Variants in SSH3 observed in about 807,000 individuals in gnomAD.
SSH3 encodes protein phosphatase Slingshot homolog 3.
A neutral mutation model predicts 75.0 loss-of-function variants in SSH3; 67 were observed. That is an observed-to-expected ratio of 0.89 (90% CI 0.73 to 1.10). The LOEUF (loss-of-function observed/expected upper bound fraction) is 1.10, where lower values mean the gene tolerates loss of function less well. Ranked by LOEUF, SSH3 falls within the 50% of genes least tolerant of loss-of-function variation. SSH3 has a pLI of 0.00. For missense variants in SSH3, 824 were observed against 872.7 expected, an observed-to-expected ratio of 0.94 and a Z score of 0.70; for synonymous variants, 318 against 349.2, an observed-to-expected ratio of 0.91 and a Z score of 1.00.
chr11:67,311,422 G>A lies in SSH3; in HGVS notation c.1684-169G>A, dbSNP rs113146014. On this transcript the variant is annotated intron_variant, in intron 13 of 13. Coordinates refer to ENST00000308127, the MANE Select transcript of SSH3 (RefSeq NM_017857.4). ...GTGTTGTCCTCCCTCCCGAGGAAGC[G>A]TGGCTGTGGACAGCTTGGCTTTTGG... is the stretch of plus-strand genomic sequence containing the variant. Among the ~76,000 whole-genome samples the A allele has an allele frequency of 5.5e-3, 836 of 152,318 alleles. 10 individuals are homozygous for A. Among genetic ancestry groups the A allele is most frequent in the African/African-American group, 0.019 (802 of 41,558 alleles).
Position 67,310,138 on chromosome 11 carries a change from T to C in SSH3, c.1482T>C (p.Ser494=), listed in dbSNP as rs200260735. ...AGGAGCACCCAGCCCCTGAAGTCTC[T>C]ACACCATTCCCACCTCTTCCGCCAG... is the stretch of plus-strand genomic sequence containing the variant. ...SPEEHPAPEV[S]TPFPPLPPEP... is the part of the protein sequence containing the mutation. The change falls in exon 13 of 14, where the codon TCT becomes TCC. Residue 494 remains serine (S), a synonymous_variant. Transcript: ENST00000308127. 6.8e-6 allele frequency: 11 copies of C among 1,614,188 alleles called. No individual in the cohort carries two copies. Among genetic ancestry groups the C allele is most frequent in the Non-Finnish European group, 8.5e-7 (1 of 1,180,024 alleles).
In SSH3 at chr11:67,309,760, T is replaced by G. The variant is rs1256408671; in HGVS notation, c.1209-8T>G. On this transcript the variant is annotated splice_polypyrimidine_tract_variant and splice_region_variant and intron_variant, in intron 11 of 13. Transcript: ENST00000308127. The stretch of plus-strand genomic sequence containing the variant: ...GGGGAGGGTGCTGAACCTGGCCTGC[T>G]TCCACAGAGCACAGGGCACCCACGT... 2 of 1,612,344 alleles carry G rather than the reference T, an allele frequency of 1.2e-6. No homozygotes were observed. Among genetic ancestry groups the G allele is most frequent in the African/African-American group, 2.7e-5 (2 of 74,946 alleles).
At chr11:67,309,732 T>G (rs767382195) in intron 11 of SSH3, 36 bp from the exon 12 acceptor site, 2 of 1,607,822 alleles carry the variant, frequency 1.2e-6, no homozygotes, top group Non-Finnish European at 1.7e-6. Flanking sequence ...TCCTTCATGG[T>G]GAGGGGAGGG....
intron 10 of SSH3, 137 bp from the exon 11 acceptor site, chr11:67,309,260 C>A: frequency 9.1e-7 from 1 of 1,096,618 alleles, no homozygotes; most frequent in Non-Finnish European, 1.3e-6. Context: ...TGGGTCACTT[C>A]TCCTCCCACT....
chr11:67,306,182 G>A (rs552999907), intron 3 of SSH3, among the ~76,000 whole-genome samples: 16 of 152,032 alleles, frequency 1.1e-4, no homozygotes, highest in Middle Eastern at 3.4e-3. Flanking sequence ...CCAGCTACTC[G>A]GGAGGCTGAG....
Position 67,312,211 on chromosome 11 carries a change from A to C in SSH3, c.*324A>C. 2.8e-6 allele frequency: 1 copy of C among 353,788 alleles called. No individual in the cohort carries two copies. The allele number at this position is 353,788 out of a possible 1,614,324, so 21.9% of individuals were successfully genotyped here. Reference sequence around the variant, plus strand: ...TTCTCAACTCTAGCCCTGCACACTCACCTGTGGCACGGAATGAAAACAGAG... The same window carrying C: ...TTCTCAACTCTAGCCCTGCACACTCCCCTGTGGCACGGAATGAAAACAGAG... On this transcript the variant is annotated 3_prime_UTR_variant, in exon 14 of 14. Coordinates refer to ENST00000308127, the MANE Select transcript of SSH3 (RefSeq NM_017857.4).
In SSH3 at chr11:67,310,228, A is replaced by G; in HGVS notation, c.1572A>G (p.Glu524=). Residue 524 remains glutamate, a synonymous_variant, in exon 13 of 14, where the codon GAA becomes GAG. Coordinates refer to ENST00000308127, the MANE Select transcript of SSH3 (RefSeq NM_017857.4). ...AAGAGAGCCAGGCAGCCCCGAAAGA[A>G]GAGCCTGGGCCACGGCCACGTATAA... The part of the protein sequence containing the change: ...GMEESQAAPK[E]EPGPRPRINL... 1 of 1,614,220 alleles carries G rather than the reference A, an allele frequency of 6.2e-7. No homozygotes were observed. The highest frequency in any genetic ancestry group is 1.3e-5 in the African/African-American group (1 of 75,060).
At position 67,307,966 on chromosome 11, in the gene SSH3, C is replaced by G. The variant is rs756582722; in HGVS notation, c.885+27C>G. On this transcript the variant is annotated intron_variant, in intron 8 of 13. Coordinates refer to ENST00000308127, the MANE Select transcript of SSH3 (RefSeq NM_017857.4). The surrounding 1 kb of genome is among the most constrained non-coding windows in gnomAD (Gnocchi z 4.2). ...TGGGCAGGGGGCCCGGGGACTGAGT[C>G]CCCTCTAGCAGGGGCTGCAAGCTTG... is the stretch of plus-strand genomic sequence containing the variant. 1 of 1,613,440 alleles carries G rather than the reference C, an allele frequency of 6.2e-7. No homozygotes were observed. Among genetic ancestry groups the G allele is most frequent in the African/African-American group, 1.3e-5 (1 of 75,058 alleles).
Position 67,308,418 on chromosome 11 carries a change from G to C in SSH3, c.1021G>C (p.Glu341Gln). 6.2e-7 allele frequency: 1 copy of C among 1,611,276 alleles called. No homozygotes were observed. The highest frequency in any genetic ancestry group is 8.5e-7 in the Non-Finnish European group (1 of 1,178,768). ...RIFPHLYLGSEWNAANLEELQ... is the reference protein window; with the variant it reads ...RIFPHLYLGSQWNAANLEELQ... ...GCTGTTCCCTCTCTCCCAGGGCTCA[G>C]AGTGGAACGCAGCAAACCTGGAGGA... Residue 341 changes from glutamate to glutamine, a missense_variant, in exon 10 of 14, where the codon GAG (glutamate) becomes CAG (glutamine). Glu to Gln is a conservative substitution (Grantham distance 29). Coordinates refer to ENST00000308127, the MANE Select transcript of SSH3 (RefSeq NM_017857.4). This position sits in a 1 kb window ranked among gnomAD's most constrained non-coding sequence, Gnocchi z 4.9.
chr11:67,309,505 G>T lies in SSH3; in HGVS notation c.1170G>T (p.Pro390=), dbSNP rs766446058. The change falls in exon 11 of 14, where the codon CCG becomes CCT. Residue 390 remains proline, a synonymous_variant. Coordinates refer to ENST00000308127, the MANE Select transcript of SSH3 (RefSeq NM_017857.4). ...LWDEESAQLL[P]HWKETHRFIE... is the part of the protein sequence containing the mutation. ...ATGAGGAGTCGGCCCAGCTGCTGCCGCACTGGAAGGAGACGCACCGCTTCA... is the reference window on the plus strand; with the variant it reads ...ATGAGGAGTCGGCCCAGCTGCTGCCTCACTGGAAGGAGACGCACCGCTTCA... The T allele has an allele frequency of 1.9e-6, 3 of 1,613,910 alleles. No individual in the cohort carries two copies. The highest frequency in any genetic ancestry group is 1.6e-4 in the Middle Eastern group (1 of 6,084).
At position 67,304,904 on chromosome 11, in the gene SSH3, C is replaced by A; in HGVS notation, c.236C>A (p.Thr79Lys). The change falls in exon 3 of 14, where the codon ACA (threonine) becomes AAA (lysine). Residue 79 changes from threonine (T) to lysine (K), a missense_variant. Physicochemically the swap from Thr to Lys is moderately conservative, Grantham distance 78 (BLOSUM62 -1). Coordinates refer to ENST00000308127, the MANE Select transcript of SSH3 (RefSeq NM_017857.4). ...GAGGAGGAGCTCCACGGGGACCAGA[C>A]AGACTTCGGGCAAGGATCCCAGAGT... ...PSEEELHGDQ[T>K]DFGQGSQSPQ... The A allele has an allele frequency of 1.2e-6, 2 of 1,613,810 alleles. No homozygotes were observed. The highest frequency in any genetic ancestry group is 2.7e-5 in the African/African-American group (2 of 75,042).
chr11:67,304,522 C>T (rs1590882160), intron 2 of SSH3, among the ~76,000 whole-genome samples: 1 of 152,220 alleles, frequency 6.6e-6, no homozygotes, highest in South Asian at 2.1e-4. Flanking sequence ...GCCCCCTCTC[C>T]CCACAGATGA....
rs560566580 is a variant in SSH3 at position 67,310,981 on chromosome 11, C to T, written c.1684-610C>T. Among the ~76,000 whole-genome samples, 5 of 152,356 alleles carry T rather than the reference C, an allele frequency of 3.3e-5. No individual in the cohort carries two copies. In the East Asian group the frequency reaches 9.7e-4, roughly 29 times the overall value. On this transcript the variant is annotated intron_variant, in intron 13 of 13. Transcript: ENST00000308127. ...TGCCTAAGTCAGCACCCTTGATGCT[C>T]AGTGCTGCGGGCACAAGCCTAAGCC...
In SSH3 at chr11:67,309,443, C is replaced by T. The variant is rs964803902; in HGVS notation, c.1108C>T (p.Pro370Ser). The change falls in exon 11 of 14, where the codon CCT becomes TCT. Residue 370 changes from proline (P) to serine (S), a missense_variant. Coordinates refer to ENST00000308127, the MANE Select transcript of SSH3 (RefSeq NM_017857.4). ...GGCCCGGGAGATTGACAACTTCTACCCTGAGCGCTTCACCTACCACAATGT... is the reference window on the plus strand; with the variant it reads ...GGCCCGGGAGATTGACAACTTCTACTCTGAGCGCTTCACCTACCACAATGT... ...NMAREIDNFYPERFTYHNVRL... is the reference protein window; with the variant it reads ...NMAREIDNFYSERFTYHNVRL... 1.2e-6 allele frequency: 2 copies of T among 1,614,048 alleles called. No homozygotes were observed. The highest frequency in any genetic ancestry group is 2.7e-5 in the African/African-American group (2 of 74,928).
chr11:67,304,928 G>C lies in SSH3; in HGVS notation c.260G>C (p.Ser87Thr). The C allele has an allele frequency of 6.2e-7, 1 of 1,613,768 alleles. No homozygotes were observed. Among genetic ancestry groups the C allele is most frequent in the Non-Finnish European group, 8.5e-7 (1 of 1,179,988 alleles). ...ACAGACTTCGGGCAAGGATCCCAGA[G>C]TCCCCAGAAGCAGGAGGAGCAGAGG... is the stretch of plus-strand genomic sequence containing the variant. ...DQTDFGQGSQ[S>T]PQKQEEQRQH... The change falls in exon 3 of 14, where the codon AGT becomes ACT. Residue 87 changes from serine (S) to threonine (T), a missense_variant. Physicochemically the swap from Ser to Thr is moderately conservative, Grantham distance 58 (BLOSUM62 1). Coordinates refer to ENST00000308127, the MANE Select transcript of SSH3 (RefSeq NM_017857.4).
At position 67,309,547 on chromosome 11, in the gene SSH3, G is replaced by T. The variant is rs201881182; in HGVS notation, c.1208+4G>T. 5.0e-6 allele frequency: 8 copies of T among 1,612,822 alleles called. No individual in the cohort carries two copies. In the African/African-American group the frequency reaches 8.0e-5, roughly 16 times the overall value. On this transcript the variant is annotated splice_donor_region_variant and intron_variant, in intron 11 of 13. Coordinates refer to ENST00000308127, the MANE Select transcript of SSH3 (RefSeq NM_017857.4). ...ACCGCTTCATTGAGGCTGCAAGGTC[G>T]GTCTCCTGGCTTTGCTGCCTGCCCC...
Position 67,304,829 on chromosome 11 carries a change from A to AC in SSH3, c.161_162insC (p.Asp55Ter). 6.2e-7 allele frequency: 1 copy of AC among 1,613,458 alleles called. No individual in the cohort carries two copies. Among genetic ancestry groups the AC allele is most frequent in the Non-Finnish European group, 8.5e-7 (1 of 1,179,862 alleles). On this transcript the variant is annotated frameshift_variant, in exon 3 of 14. Transcript: ENST00000308127. LOFTEE classifies it high-confidence loss of function. ...CTGGGACTGCAGGATGGAGGGGACA[A>AC]TGATGATGCAGCAGAGGCCAGTTCT...
At position 67,309,637 on chromosome 11, in the gene SSH3, C is replaced by T. The variant is rs968155512; in HGVS notation, c.1208+94C>T. 13 of 1,572,930 alleles carry T rather than the reference C, an allele frequency of 8.3e-6. No individual in the cohort carries two copies. In the Admixed American group the frequency reaches 1.6e-4, roughly 19 times the overall value. ...CACTCTGCCATCAGCTGTGCCATTCCTTCCAGCCCTCAGTGTCCTTCCCTC... is the reference window on the plus strand; with the variant it reads ...CACTCTGCCATCAGCTGTGCCATTCTTTCCAGCCCTCAGTGTCCTTCCCTC... On this transcript the variant is annotated intron_variant, in intron 11 of 13. Coordinates refer to ENST00000308127, the MANE Select transcript of SSH3 (RefSeq NM_017857.4).
Position 67,303,546 on chromosome 11 carries a change from C to G in SSH3, c.-80C>G, listed in dbSNP as rs1861124382. On this transcript the variant is annotated 5_prime_UTR_variant, in exon 1 of 14. Coordinates refer to ENST00000308127, the MANE Select transcript of SSH3 (RefSeq NM_017857.4). ...GGTGGCGCCGTCCGTCCTTCCTGGT[C>G]CTGCGGGTCCAGGACTGTCCGCGGG... The G allele has an allele frequency of 1.4e-6, 2 of 1,409,840 alleles. No individual in the cohort carries two copies. Among genetic ancestry groups the G allele is most frequent in the African/African-American group, 3.0e-5 (2 of 66,716 alleles). 87.3% of individuals were successfully genotyped at this position (1,409,840 alleles called of 1,614,324 possible). A position where few individuals can be genotyped will look rare whatever the true frequency, so the allele number is the denominator to read the frequency against.
Sources: gnomAD v4.1 joint callset for allele counts (sites outside exome capture counted in the v4.1 genomes callset) on GRCh38, gnomAD v4.1.1 for gene constraint, Gnocchi (gnomAD v3.1) non-coding constraint, MANE v1.5 for transcripts, NCBI Gene and HGNC (gene_info 2026-07-23, HGNC 2026-07-21) for gene names.